Variants in SLC9B1 observed in about 807,000 individuals in gnomAD.
SLC9B1 encodes the protein sodium/hydrogen exchanger 9B1.
Under a neutral mutation model 51.7 loss-of-function variants are expected in SLC9B1, and 32 were observed. The observed-to-expected ratio is 0.62, with a 90% CI of 0.47 to 0.83. The LOEUF (loss-of-function observed/expected upper bound fraction) is 0.83. Among genes scored for constraint, SLC9B1 ranks in the 40% least tolerant of loss-of-function variants. The pLI is 0.00. For synonymous variants in SLC9B1, 145 were observed against 212.7 expected (o/e 0.68, Z 2.77); for missense variants, 406 against 613.2 (o/e 0.66, Z 3.57).
At chr4:102,887,647 A>G (rs1014436389) in intron 11 of SLC9B1, 2 of 380,358 alleles carry the variant, frequency 5.3e-6, no homozygotes, top group African/African-American at 4.1e-5. Context: ...TCCAACAATA[A>G]AATCACTTCT....
At chr4:102,949,711 C>T (rs1389608320) in intron 3 of SLC9B1, among the ~76,000 whole-genome samples, 2 of 152,150 alleles carry the variant, frequency 1.3e-5, no homozygotes, top group African/African-American at 4.8e-5. Flanking sequence ...TTAATCCCAG[C>T]ACTTTGGGAG....
At chr4:102,892,663 C>G (rs1017905595) in intron 11 of SLC9B1, 2 of 152,092 alleles carry the variant, frequency 1.3e-5, no homozygotes, top group Admixed American at 1.3e-4. Context: ...TCAGATAGAT[C>G]AGCCATAATG....
At chr4:103,006,948 C>T (rs937949291) in intron 1 of SLC9B1, among the ~76,000 whole-genome samples, 1 of 152,154 alleles carries the variant, frequency 6.6e-6, no homozygotes, top group African/African-American at 2.4e-5. Context: ...TGTTAAAAGC[C>T]TTCAACAAAT....
chr4:102,996,625 A>G (rs1260960003), intron 1 of SLC9B1, among the ~76,000 whole-genome samples: 1 of 152,114 alleles, frequency 6.6e-6, no homozygotes, highest in Non-Finnish European at 1.5e-5. Context: ...TCAATATCTA[A>G]TTGACTCAGC....
At chr4:102,906,700 A>C (rs1735073209) in intron 9 of SLC9B1, 56 bp from the exon 10 acceptor site, 2 of 1,141,762 alleles carry the variant, frequency 1.8e-6, no homozygotes, top group Non-Finnish European at 1.2e-6. Flanking sequence ...ATATTTCAGA[A>C]ACTTAAAGTC....
chr4:103,000,588 G>GC (rs1218741437), intron 1 of SLC9B1, among the ~76,000 whole-genome samples: 1 of 152,188 alleles, frequency 6.6e-6, no homozygotes, highest in Non-Finnish European at 1.5e-5. Flanking sequence ...GGGGCTATGG[G>GC]CCCCACGTAA....
intron 1 of SLC9B1, among the ~76,000 whole-genome samples, chr4:102,992,316 A>G (rs1370548365): frequency 6.6e-6 from 1 of 152,124 alleles, no homozygotes; most frequent in South Asian, 2.1e-4. Context: ...CTCCTCTGTA[A>G]TCTTTGCTAG....
chr4:102,932,821 A>T (rs1342010660), intron 6 of SLC9B1, among the ~76,000 whole-genome samples: 3 of 152,236 alleles, frequency 2.0e-5, no homozygotes, highest in African/African-American at 4.8e-5. Flanking sequence ...TTGGAGTACC[A>T]CTGTAAGAAT....
chr4:103,019,513 G>A (rs933202986), intron 1 of SLC9B1, 86 bp downstream of exon 1: 23 of 921,790 alleles, frequency 2.5e-5, no homozygotes, highest in Non-Finnish European at 2.8e-5. Context: ...GCCCTCCTGC[G>A]GCCTACCGCA....
intron 3 of SLC9B1, among the ~76,000 whole-genome samples, chr4:102,955,843 G>GAGAAAGAAAGACAGAAAGAA (rs1414678889): frequency 9.4e-6 from 1 of 106,754 alleles, no homozygotes; most frequent in African/African-American, 3.6e-5. Context: ...GAAAGAGAGA[G>GAGAAAGAAAGACAGAAAGAA]AGAAAGAAAG....
chr4:103,009,940 C>T (rs929969064), intron 1 of SLC9B1, among the ~76,000 whole-genome samples: 3 of 152,012 alleles, frequency 2.0e-5, no homozygotes, highest in African/African-American at 7.3e-5. Flanking sequence ...ATAATGACTA[C>T]CTAGTATTAT....
At chr4:102,898,060 G>A (rs138236375), downstream of SLC9B1, 47 of 462,126 alleles carry the variant, frequency 1.0e-4, no homozygotes, top group Admixed American at 2.2e-4. Context: ...TGCCCTAGTC[G>A]TGCTGGTAAA....
chr4:102,983,527 T>C (rs1472767121), intron 3 of SLC9B1, among the ~76,000 whole-genome samples: 1 of 152,196 alleles, frequency 6.6e-6, no homozygotes, highest in Non-Finnish European at 1.5e-5. Context: ...CAGTACATTC[T>C]GTTTTGGAAA....
chr4:102,948,182 C>T (rs949264426), intron 4 of SLC9B1, among the ~76,000 whole-genome samples: 9 of 151,976 alleles, frequency 5.9e-5, no homozygotes, highest in Non-Finnish European at 1.0e-4. Flanking sequence ...TGTATTCATT[C>T]ATTTATTCAT....
chr4:102,970,133 GA>G (rs1231668269), intron 3 of SLC9B1, among the ~76,000 whole-genome samples: 1 of 152,092 alleles, frequency 6.6e-6, no homozygotes, highest in Non-Finnish European at 1.5e-5. Flanking sequence ...AGGAAATACA[GA>G]AAACATCACA....
At chr4:102,986,974 C>T (rs1006956467) in intron 3 of SLC9B1, among the ~76,000 whole-genome samples, 4 of 152,106 alleles carry the variant, frequency 2.6e-5, no homozygotes, top group African/African-American at 9.7e-5. Context: ...CTGATGTTTG[C>T]TCCATTTCTT....
rs746552879 is a variant in SLC9B1, at chr4:102,905,486, T to G, written c.1332+28A>C. ...TTTTAAAAGCATCAAAATGAAAGCA[T>G]TAAGCAACAGGCTTAATATGTTCTT... On this transcript the variant is annotated intron_variant, in intron 11 of 11. Coordinates refer to ENST00000296422, the MANE Select transcript of SLC9B1 (RefSeq NM_139173.4). The G allele has an allele frequency of 5.0e-6, 8 of 1,588,640 alleles. No individual in the cohort carries two copies. The South Asian group carries it at 9.2e-5, about 18-fold the overall frequency.
At chr4:102,925,035 C>T (rs191659321) in intron 7 of SLC9B1, among the ~76,000 whole-genome samples, 93 of 152,270 alleles carry the variant, frequency 6.1e-4, no homozygotes, top group African/African-American at 2.2e-3. Flanking sequence ...TACCATTTCA[C>T]CCAGCCATCC....
chr4:102,946,655 C>A lies in SLC9B1; in HGVS notation c.517G>T (p.Asp173Tyr), dbSNP rs377275822. ...TGTAATTGTAAATCTACCTGTGGAT[C>A]GAGTCCAAGCCCAGCTCTTATTAGA... ...IILIRAGLGL[D>Y]PQALRHLKVV... is the part of the protein sequence containing the mutation. The change falls in exon 5 of 12, where the codon GAT becomes TAT. Residue 173 changes from aspartate (D) to tyrosine (Y), a missense_variant. Coordinates refer to ENST00000296422, the MANE Select transcript of SLC9B1 (RefSeq NM_139173.4). 3 of 1,604,804 alleles carry A rather than the reference C, an allele frequency of 1.9e-6. No homozygotes were observed. Among genetic ancestry groups the A allele is most frequent in the Admixed American group, 3.4e-5 (2 of 58,346 alleles).
Sources: allele counts gnomAD v4.1 joint callset (sites outside exome capture counted in the v4.1 genomes callset), GRCh38; gene constraint gnomAD v4.1.1; transcripts MANE v1.5; gene names NCBI Gene and HGNC (gene_info 2026-07-23, HGNC 2026-07-21).